The following SLC30A3 variants were observed in gnomAD, a reference collection of about 807,000 sequenced individuals.
The protein encoded by SLC30A3 is solute carrier family 30 member 3.
Under a neutral mutation model 35.6 loss-of-function variants are expected in SLC30A3, and 20 were observed. The observed-to-expected ratio is 0.56, with a 90% CI of 0.39 to 0.82. The LOEUF is 0.82. SLC30A3 is among the 40% of genes least tolerant of loss of function. SLC30A3 has a pLI of 0.00. For synonymous variants in SLC30A3, 217 were observed against 224.7 expected, an observed-to-expected ratio of 0.97 and a Z score of 0.31; for missense variants, 401 against 530.6, an observed-to-expected ratio of 0.76 and a Z score of 2.40.
At chr2:27,270,237 G>A (rs1232229798) in intron 1 of SLC30A3, among the ~76,000 whole-genome samples, 2 of 152,172 alleles carry the variant, frequency 1.3e-5, no homozygotes, top group East Asian at 3.8e-4. Flanking sequence ...CCTGAGGGAT[G>A]AGATCATTCT....
chr2:27,262,965 C>T lies in SLC30A3; in HGVS notation c.-59G>A. On this transcript the variant is annotated 5_prime_UTR_variant, in exon 1 of 8. Transcript: ENST00000233535. The surrounding 1 kb of genome is among the most constrained non-coding windows in gnomAD (Gnocchi z 7.5). The stretch of plus-strand genomic sequence containing the variant: ...AGGAAGAGAGAGGCCGGGCCGGCCC[C>T]GCGCCAAGTCCGAGCAGCCCGCCGA... 1 of 1,452,112 alleles carries T rather than the reference C, an allele frequency of 6.9e-7. No homozygotes were observed. The allele number at this position is 1,452,112 out of a possible 1,614,324, so 90.0% of individuals were successfully genotyped here.
upstream of SLC30A3, among the ~76,000 whole-genome samples, chr2:27,264,528 G>A (rs1321122035): frequency 3.9e-5 from 6 of 152,166 alleles, no homozygotes; most frequent in Non-Finnish European, 8.8e-5. This position sits in a 1 kb window ranked among gnomAD's most constrained non-coding sequence, Gnocchi z 6.1. Context: ...TGCGGGCGGC[G>A]CGTGCGAAGG....
Position 27,262,943 on chromosome 2 carries a change from AAG to A in SLC30A3, c.-39_-38del, listed in dbSNP as rs1572482290. 3 of 1,506,090 alleles carry A rather than the reference AAG, an allele frequency of 2.0e-6. No homozygotes were observed. The highest frequency in any genetic ancestry group is 2.6e-6 in the Non-Finnish European group (3 of 1,138,204). The allele number at this position is 1,506,090 out of a possible 1,614,324, so 93.3% of individuals were successfully genotyped here. The stretch of plus-strand genomic sequence containing the variant: ...CCCGACCGTCTAGGCCCCACCGAGG[AAG>A]AGAGAGGCCGGGCCGGCCCCGCGCC... On this transcript the variant is annotated 5_prime_UTR_variant, in exon 1 of 8. Transcript: ENST00000233535. This position sits in a 1 kb window ranked among gnomAD's most constrained non-coding sequence, Gnocchi z 7.5.
At position 27,256,366 on chromosome 2, in the gene SLC30A3, C is replaced by A; in HGVS notation, c.1018+20G>T. ...GGGGTATGTTCCAGGTAGTAACTAGCTGGGGCCAGTGTGACTCACCGATGG... is the reference window on the plus strand; with the variant it reads ...GGGGTATGTTCCAGGTAGTAACTAGATGGGGCCAGTGTGACTCACCGATGG... On this transcript the variant is annotated intron_variant, in intron 7 of 7. Coordinates refer to ENST00000233535, the MANE Select transcript of SLC30A3 (RefSeq NM_003459.5). The A allele has an allele frequency of 6.2e-7, 1 of 1,613,512 alleles. No homozygotes were observed. The highest frequency in any genetic ancestry group is 8.5e-7 in the Non-Finnish European group (1 of 1,179,488).
chr2:27,256,334 T>C, intron 7 of SLC30A3, 52 bp downstream of exon 7: 1 of 1,600,186 alleles, frequency 6.2e-7, no homozygotes, highest in Non-Finnish European at 8.6e-7. Flanking sequence ...GGTCCCATGT[T>C]TGGGGTGGGG....
At position 27,258,668 on chromosome 2, in the gene SLC30A3, C is replaced by T; in HGVS notation, c.277+85G>A. 1 of 1,472,426 alleles carries T rather than the reference C, an allele frequency of 6.8e-7. No homozygotes were observed. The highest frequency in any genetic ancestry group is 1.7e-5 in the Admixed American group (1 of 58,722). 91.2% of individuals were successfully genotyped at this position (1,472,426 alleles called of 1,614,324 possible). A position where few individuals can be genotyped will look rare whatever the true frequency, so the allele number is the denominator to read the frequency against. The stretch of plus-strand genomic sequence containing the variant: ...GCCATCCCCATCTCTGCATCTGCAC[C>T]CAGGAACATTCCTGGGACTCTGGGT... On this transcript the variant is annotated intron_variant, in intron 2 of 7. Coordinates refer to ENST00000233535, the MANE Select transcript of SLC30A3 (RefSeq NM_003459.5). The surrounding 1 kb of genome is among the most constrained non-coding windows in gnomAD (Gnocchi z 4.0).
intron 1 of SLC30A3, chr2:27,275,063 G>T: frequency 1.8e-6 from 1 of 558,258 alleles, no homozygotes; most frequent in Non-Finnish European, 3.1e-6. Flanking sequence ...GGTCTTCCAG[G>T]TTGTGGAGGT....
At chr2:27,259,586 C>A (rs1677070988) in intron 1 of SLC30A3, among the ~76,000 whole-genome samples, 1 of 152,074 alleles carries the variant, frequency 6.6e-6, no homozygotes, top group South Asian at 2.1e-4. Context: ...TTCCTGGCCT[C>A]AAGCGATCCT....
chr2:27,265,235 C>G (rs1677448585), upstream of SLC30A3, among the ~76,000 whole-genome samples: 1 of 152,258 alleles, frequency 6.6e-6, no homozygotes, highest in South Asian at 2.1e-4. The surrounding 1 kb of genome is among the most constrained non-coding windows in gnomAD (Gnocchi z 5.9). Context: ...CTGCCCGCCC[C>G]TGCCGGGAGC....
At position 27,262,556 on chromosome 2, in the gene SLC30A3, C is replaced by T. The variant is rs1455359137; in HGVS notation, c.95+256G>A. Among the ~76,000 whole-genome samples, 1 of 152,044 alleles carries T rather than the reference C, an allele frequency of 6.6e-6. No individual in the cohort carries two copies. The highest frequency in any genetic ancestry group is 1.5e-5 in the Non-Finnish European group (1 of 67,972). On this transcript the variant is annotated intron_variant, in intron 1 of 7. Transcript: ENST00000233535. The surrounding 1 kb of genome is among the most constrained non-coding windows in gnomAD (Gnocchi z 7.5). ...CCGCGGGGGTGGCGGAGGGGTCCGGCGGCCTGGGACGCCGGCCGGAGGGGA... is the reference window on the plus strand; with the variant it reads ...CCGCGGGGGTGGCGGAGGGGTCCGGTGGCCTGGGACGCCGGCCGGAGGGGA...
At position 27,256,368 on chromosome 2, in the gene SLC30A3, G is replaced by A; in HGVS notation, c.1018+18C>T. ...GGTATGTTCCAGGTAGTAACTAGCT[G>A]GGGCCAGTGTGACTCACCGATGGCC... On this transcript the variant is annotated intron_variant, in intron 7 of 7. Coordinates refer to ENST00000233535, the MANE Select transcript of SLC30A3 (RefSeq NM_003459.5). 1 of 1,613,460 alleles carries A rather than the reference G, an allele frequency of 6.2e-7. No homozygotes were observed. Among genetic ancestry groups the A allele is most frequent in the Non-Finnish European group, 8.5e-7 (1 of 1,179,428 alleles).
Position 27,258,828 on chromosome 2 carries a change from C to A in SLC30A3, c.202G>T (p.Glu68Ter). 1 of 1,614,254 alleles carries A rather than the reference C, an allele frequency of 6.2e-7. No homozygotes were observed. Among genetic ancestry groups the A allele is most frequent in the Non-Finnish European group, 8.5e-7 (1 of 1,180,044 alleles). Residue 68 changes from glutamate (E) to a stop codon, truncating the protein, a stop_gained, in exon 2 of 8, where the codon GAG becomes TAG. Transcript: ENST00000233535. LOFTEE classifies it high-confidence loss of function. This position sits in a 1 kb window ranked among gnomAD's most constrained non-coding sequence, Gnocchi z 4.0. ...AGCTGCCTCCGTGCATGCAGCCTCT[C>A]AGGGGTAAGGCCCGGCGGCGGAAGG... ...DPLPPPGLTP[E>*]RLHARRQLYA...
chr2:27,272,000 A>C lies in SLC30A3; in HGVS notation c.-159+3177T>G, dbSNP rs1036328298. 2.6e-5 allele frequency among the ~76,000 whole-genome samples: 4 copies of C among 152,236 alleles called. No individual in the cohort carries two copies. The highest frequency in any genetic ancestry group is 5.9e-5 in the Non-Finnish European group (4 of 68,044). The stretch of plus-strand genomic sequence containing the variant: ...GAATTTGCCTTCTTTCTCAGGGCTC[A>C]CTTCTATGAAGCAGGGATGCAATCG... On this transcript the variant is annotated intron_variant, in intron 1 of 5. Transcript: ENST00000424577. The surrounding 1 kb of genome is among the most constrained non-coding windows in gnomAD (Gnocchi z 4.3).
intron 7 of SLC30A3, 158 bp downstream of exon 7, chr2:27,256,226 ATG>A (rs146038241): frequency 6.6e-3 from 4,701 of 713,626 alleles, no homozygotes; most frequent in Non-Finnish European, 7.3e-3. Flanking sequence ...GCGCACGTGC[ATG>A]TGTGTGTGTG....
chr2:27,267,152 C>T (rs1250280885), upstream of SLC30A3, among the ~76,000 whole-genome samples: 2 of 152,132 alleles, frequency 1.3e-5, no homozygotes, highest in South Asian at 2.1e-4. Context: ...ATCCTAGGGT[C>T]ATCCTCGACT....
chr2:27,264,482 G>T (rs768818617), upstream of SLC30A3, among the ~76,000 whole-genome samples: 2 of 152,222 alleles, frequency 1.3e-5, no homozygotes, highest in Admixed American at 1.3e-4. This position sits in a 1 kb window ranked among gnomAD's most constrained non-coding sequence, Gnocchi z 6.1. Context: ...TGGCTGTTCC[G>T]GCGGGGGAGA....
At chr2:27,274,776 T>G (rs1677929660) in intron 1 of SLC30A3, among the ~76,000 whole-genome samples, 1 of 152,230 alleles carries the variant, frequency 6.6e-6, no homozygotes, top group South Asian at 2.1e-4. Context: ...GTTCAAGGAT[T>G]TCTGTTGAAT....
In SLC30A3 at chr2:27,258,075, A is replaced by T; in HGVS notation, c.425-17T>A. The T allele has an allele frequency of 6.2e-7, 1 of 1,612,844 alleles. No individual in the cohort carries two copies. Among genetic ancestry groups the T allele is most frequent in the Non-Finnish European group, 8.5e-7 (1 of 1,179,106 alleles). ...CCAGAGTCTCTGCGGGTGGGGGGGG[A>T]GACAAGCTGTCAGAGACCTGCTTGG... On this transcript the variant is annotated splice_polypyrimidine_tract_variant and intron_variant, in intron 3 of 7. Transcript: ENST00000233535. The surrounding 1 kb of genome is among the most constrained non-coding windows in gnomAD (Gnocchi z 4.0).
Position 27,259,039 on chromosome 2 carries a change from C to T in SLC30A3, c.96-105G>A, listed in dbSNP as rs992993605. 4 of 904,656 alleles carry T rather than the reference C, an allele frequency of 4.4e-6. No individual in the cohort carries two copies. The Admixed American group carries it at 1.2e-4, about 28-fold the overall frequency. 56.0% of individuals were successfully genotyped at this position (904,656 alleles called of 1,614,324 possible). On this transcript the variant is annotated intron_variant, in intron 1 of 7. Transcript: ENST00000233535. ...GGCCTCATCAGACCATCTCCTTCCC[C>T]AGGCCTGGTCGTATCTGGGAGCTGC...
Sources: gnomAD v4.1 joint callset for allele counts (sites outside exome capture counted in the v4.1 genomes callset) on GRCh38, gnomAD v4.1.1 for gene constraint, Gnocchi (gnomAD v3.1) non-coding constraint, MANE v1.5 for transcripts, NCBI Gene and HGNC (gene_info 2026-07-23, HGNC 2026-07-21) for gene names.